KDM1B: variants seen among roughly 807,000 people sequenced by gnomAD.
KDM1B encodes lysine demethylase 1B.
KDM1B carries 63 observed loss-of-function variants against 107.4 expected under a neutral mutation model. The ratio of observed to expected loss-of-function variants is 0.59; its 90% CI spans 0.48 to 0.72. The LOEUF is 0.72. KDM1B is among the 30% of genes least tolerant of loss of function. KDM1B has a pLI of 0.00. For missense variants in KDM1B, 749 were observed against 1,020.8 expected (o/e 0.73, Z 3.63); for synonymous variants, 363 against 363.9 (o/e 1.00, Z 0.03).
intron 7 of KDM1B, among the ~76,000 whole-genome samples, chr6:18,180,575 G>A (rs1786394201): frequency 6.6e-6 from 1 of 152,052 alleles, no homozygotes; most frequent in African/African-American, 2.4e-5. Context: ...TTGTGGTTTT[G>A]TTTTGTTTGA....
At chr6:18,185,932 T>C in intron 8 of KDM1B, 122 bp downstream of exon 8, 1 of 871,338 alleles carries the variant, frequency 1.1e-6, no homozygotes, top group Non-Finnish European at 1.9e-6. Context: ...AGTGACTTTT[T>C]AATCTAACAT....
chr6:18,213,828 A>C lies in KDM1B; in HGVS notation c.2109+47A>C. The C allele has an allele frequency of 6.2e-7, 1 of 1,606,244 alleles. No homozygotes were observed. Among genetic ancestry groups the C allele is most frequent in the South Asian group, 1.1e-5 (1 of 90,840 alleles). ...GGTTTGAATTTCCGTCTTAAAGTTT[A>C]GAATTTGATGTGATAATTACTCACC... On this transcript the variant is annotated intron_variant, in intron 19 of 21. Coordinates refer to ENST00000650836, the MANE Select transcript of KDM1B (RefSeq NM_001364614.2). The surrounding 1 kb of genome is among the most constrained non-coding windows in gnomAD (Gnocchi z 5.9).
chr6:18,207,805 T>C (rs1392215968), intron 16 of KDM1B, among the ~76,000 whole-genome samples: 1 of 152,218 alleles, frequency 6.6e-6, no homozygotes, highest in Non-Finnish European at 1.5e-5. Context: ...TTATTTTCAC[T>C]TTAAAATTTT....
intron 20 of KDM1B, among the ~76,000 whole-genome samples, chr6:18,215,809 G>A (rs1328950150): frequency 6.8e-6 from 1 of 147,168 alleles, no homozygotes; most frequent in Non-Finnish European, 1.5e-5. Flanking sequence ...ATTTACTGAA[G>A]CCCTAGAAGC....
rs1379768108 is a variant in KDM1B, at chr6:18,155,755, G to C, written c.-57-128G>C. On this transcript the variant is annotated intron_variant, in intron 1 of 21. Transcript: ENST00000650836. This position sits in a 1 kb window ranked among gnomAD's most constrained non-coding sequence, Gnocchi z 6.2. ...TACCTCCTGCCCCGGATTAAAAGAG[G>C]GTGCGGGGTGGGTATCTGTCTGAAG... 1 of 152,362 alleles carries C rather than the reference G, an allele frequency of 6.6e-6. No individual in the cohort carries two copies. Among genetic ancestry groups the C allele is most frequent in the Non-Finnish European group, 1.5e-5 (1 of 68,132 alleles). 9.4% of individuals were successfully genotyped at this position (152,362 alleles called of 1,614,324 possible). A position where few individuals can be genotyped will look rare whatever the true frequency, so the allele number is the denominator to read the frequency against.
chr6:18,170,953 TGGGACTACA>T (rs988749726), intron 6 of KDM1B, among the ~76,000 whole-genome samples: 3 of 152,182 alleles, frequency 2.0e-5, no homozygotes, highest in African/African-American at 7.2e-5. Context: ...CCTGAGTAGC[TGGGACTACA>T]GGCGCCCGCC....
intron 6 of KDM1B, among the ~76,000 whole-genome samples, chr6:18,166,868 G>A (rs1582089607): frequency 6.6e-6 from 1 of 150,682 alleles, no homozygotes; most frequent in Non-Finnish European, 1.5e-5. Flanking sequence ...AAAAAAAAAT[G>A]GTTTTAAAAA....
chr6:18,165,842 A>G (rs1785263402), intron 5 of KDM1B, among the ~76,000 whole-genome samples: 1 of 152,128 alleles, frequency 6.6e-6, no homozygotes, highest in Non-Finnish European at 1.5e-5. Flanking sequence ...TAAAAAAATA[A>G]TAAAAAAATA....
rs1789055616 is a variant in KDM1B at position 18,214,220 on chromosome 6, A to G, written c.2109+439A>G. The stretch of plus-strand genomic sequence containing the variant: ...GGAGAGAGGAGAATGGCATACCCAG[A>G]GCTGGACGGGGGTGGTCACTTTCTC... On this transcript the variant is annotated intron_variant, in intron 19 of 21. Transcript: ENST00000650836. The surrounding 1 kb of genome is among the most constrained non-coding windows in gnomAD (Gnocchi z 4.4). Among the ~76,000 whole-genome samples the G allele has an allele frequency of 6.6e-6, 1 of 152,158 alleles. No individual in the cohort carries two copies. The highest frequency in any genetic ancestry group is 1.5e-5 in the Non-Finnish European group (1 of 68,040).
Position 18,222,415 on chromosome 6 carries a change from A to G in KDM1B, c.*423A>G. ...TAAAGCCATGTTTTTCTTCTGTGAC[A>G]ATTTATCAGTATCTTTACCAATGAG... On this transcript the variant is annotated 3_prime_UTR_variant, in exon 22 of 22. Transcript: ENST00000650836. The G allele has an allele frequency of 3.3e-6, 1 of 306,358 alleles. No individual in the cohort carries two copies. The highest frequency in any genetic ancestry group is 2.9e-5 in the South Asian group (1 of 34,714). The allele number at this position is 306,358 out of a possible 1,614,324, so 19.0% of individuals were successfully genotyped here.
At chr6:18,167,801 C>G (rs374186314) in intron 6 of KDM1B, among the ~76,000 whole-genome samples, 1 of 151,728 alleles carries the variant, frequency 6.6e-6, no homozygotes, top group African/African-American at 2.4e-5. Flanking sequence ...CTTGCTCTGT[C>G]GTTCAGGCTA....
intron 15 of KDM1B, among the ~76,000 whole-genome samples, chr6:18,206,724 C>G (rs1186200855): frequency 1.3e-5 from 2 of 152,122 alleles, no homozygotes; most frequent in Non-Finnish European, 2.9e-5. Flanking sequence ...TGCACCAGGA[C>G]TTGTCTCTTT....
chr6:18,160,965 G>A (rs765806401), intron 3 of KDM1B, among the ~76,000 whole-genome samples: 8 of 151,390 alleles, frequency 5.3e-5, no homozygotes, highest in African/African-American at 9.7e-5. Context: ...TGTTGCCCAG[G>A]CTGGTCTTGG....
rs1787953411 is a variant in KDM1B, at chr6:18,200,356, A to T, written c.1222-83A>T. Reference sequence around the variant, plus strand: ...TAACCAAATATAGAGGCTATTTAACAGTGTCCTTCTACATTTTTATAATAC... The same window carrying T: ...TAACCAAATATAGAGGCTATTTAACTGTGTCCTTCTACATTTTTATAATAC... On this transcript the variant is annotated intron_variant, in intron 12 of 21. Transcript: ENST00000650836. This position sits in a 1 kb window ranked among gnomAD's most constrained non-coding sequence, Gnocchi z 4.3. 3 of 1,312,378 alleles carry T rather than the reference A, an allele frequency of 2.3e-6. No individual in the cohort carries two copies. Among genetic ancestry groups the T allele is most frequent in the Non-Finnish European group, 3.2e-6 (3 of 950,462 alleles). The allele number at this position is 1,312,378 out of a possible 1,614,324, so 81.3% of individuals were successfully genotyped here. A position where few individuals can be genotyped will look rare whatever the true frequency, so the allele number is the denominator to read the frequency against.
chr6:18,205,232 A>G lies in KDM1B; in HGVS notation c.1532-305A>G, dbSNP rs1172154304. Among the ~76,000 whole-genome samples the G allele has an allele frequency of 6.6e-6, 1 of 152,172 alleles. No homozygotes were observed. ...TGTATCTTGAGCAAAAGAGGAAACC[A>G]CTTCTCAACGAAGCGAAATTGAGAC... On this transcript the variant is annotated intron_variant, in intron 14 of 21. Coordinates refer to ENST00000650836, the MANE Select transcript of KDM1B (RefSeq NM_001364614.2). The surrounding 1 kb of genome is among the most constrained non-coding windows in gnomAD (Gnocchi z 5.7).
Position 18,197,257 on chromosome 6 carries a change from TAGCCTTGCC to T in KDM1B, c.1146+26_1146+34del. On this transcript the variant is annotated intron_variant, in intron 11 of 21. Transcript: ENST00000650836. This position sits in a 1 kb window ranked among gnomAD's most constrained non-coding sequence, Gnocchi z 4.5. The stretch of plus-strand genomic sequence containing the variant: ...ATGTAGGTGATTATAGCTTTAGCGA[TAGCCTTGCC>T]ATTGATCAGGACAAACGCTAGTCTG... 6.2e-7 allele frequency: 1 copy of T among 1,601,476 alleles called. No individual in the cohort carries two copies.
rs563965141 is a variant in KDM1B, at chr6:18,171,652, G to A, written c.534+173G>A. On this transcript the variant is annotated intron_variant, in intron 7 of 21. Coordinates refer to ENST00000650836, the MANE Select transcript of KDM1B (RefSeq NM_001364614.2). ...AACCAATTAAGGATTTTACTTTTCC[G>A]TCATTATAAGCAGTTAAGACATAGG... is the stretch of plus-strand genomic sequence containing the variant. 1.2e-4 allele frequency among the ~76,000 whole-genome samples: 19 copies of A among 152,232 alleles called. No homozygotes were observed. In the South Asian group the frequency reaches 3.3e-3, roughly 27 times the overall value.
chr6:18,167,470 T>C (rs992210834), intron 6 of KDM1B, among the ~76,000 whole-genome samples: 3 of 152,132 alleles, frequency 2.0e-5, no homozygotes, highest in Admixed American at 6.5e-5. Context: ...ATTTAATAAA[T>C]GATTTGCTAT....
chr6:18,212,967 C>T lies in KDM1B; in HGVS notation c.1983+363C>T, dbSNP rs930569537. 6.6e-6 allele frequency among the ~76,000 whole-genome samples: 1 copy of T among 152,146 alleles called. No homozygotes were observed. Among genetic ancestry groups the T allele is most frequent in the Non-Finnish European group, 1.5e-5 (1 of 68,046 alleles). Reference sequence around the variant, plus strand: ...TTATTTCTCCTGCCTTTAATATCTCCTGTAGCAGAATGGGCCAGTGCTGCA... The same window carrying T: ...TTATTTCTCCTGCCTTTAATATCTCTTGTAGCAGAATGGGCCAGTGCTGCA... On this transcript the variant is annotated intron_variant, in intron 18 of 21. Coordinates refer to ENST00000650836, the MANE Select transcript of KDM1B (RefSeq NM_001364614.2). The surrounding 1 kb of genome is among the most constrained non-coding windows in gnomAD (Gnocchi z 5.2).
Sources: gnomAD v4.1 joint callset for allele counts (sites outside exome capture counted in the v4.1 genomes callset) on GRCh38, gnomAD v4.1.1 for gene constraint, Gnocchi (gnomAD v3.1) non-coding constraint, MANE v1.5 for transcripts, NCBI Gene and HGNC (gene_info 2026-07-23, HGNC 2026-07-21) for gene names.